KCNQ5: variants seen among roughly 807,000 people sequenced by gnomAD.
KCNQ5 encodes potassium voltage-gated channel subfamily KQT member 5.
In KCNQ5, 30 loss-of-function variants were observed where a neutral mutation model predicts 98.2. That is an observed-to-expected ratio of 0.31 (90% CI 0.23 to 0.41). The LOEUF (loss-of-function observed/expected upper bound fraction) is 0.41. KCNQ5 is among the 10% of genes least tolerant of loss of function. The pLI is 1.00. For synonymous variants in KCNQ5, 458 were observed against 449.4 expected (o/e 1.02, Z -0.24); for missense variants, 835 against 1,182.5 (o/e 0.71, Z 4.31).
chr6:72,968,646 G>A (rs1169572661), intron 1 of KCNQ5, among the ~76,000 whole-genome samples: 1 of 152,042 alleles, frequency 6.6e-6, no homozygotes, highest in Admixed American at 6.6e-5. Context: ...TTATGAAGTG[G>A]CTTATTCTTA....
chr6:72,811,274 G>A (rs1694631922), intron 1 of KCNQ5, among the ~76,000 whole-genome samples: 1 of 152,172 alleles, frequency 6.6e-6, no homozygotes, highest in African/African-American at 2.4e-5. Context: ...AAGAAAAATA[G>A]TGGAGAGAGA....
At chr6:73,118,705 G>A (rs1363405017) in intron 7 of KCNQ5, among the ~76,000 whole-genome samples, 5 of 152,140 alleles carry the variant, frequency 3.3e-5, no homozygotes, top group Non-Finnish European at 7.3e-5. Flanking sequence ...GATGTGTTAT[G>A]TACTAGGGAT....
chr6:72,742,607 C>T (rs1771188511), intron 1 of KCNQ5, among the ~76,000 whole-genome samples: 1 of 152,162 alleles, frequency 6.6e-6, no homozygotes, highest in Non-Finnish European at 1.5e-5. Flanking sequence ...GCATTTGTTA[C>T]TAATATCTAT....
intron 1 of KCNQ5, among the ~76,000 whole-genome samples, chr6:72,952,236 T>C (rs985532026): frequency 2.6e-5 from 4 of 152,234 alleles, no homozygotes; most frequent in Admixed American, 1.3e-4. Flanking sequence ...CACTTGTGCA[T>C]GTACACAGAC....
chr6:72,878,868 T>A (rs1031681171), intron 1 of KCNQ5, among the ~76,000 whole-genome samples: 2 of 152,232 alleles, frequency 1.3e-5, no homozygotes, highest in Non-Finnish European at 2.9e-5. Flanking sequence ...TTAAATTATG[T>A]GATTAAATTA....
At chr6:72,769,940 G>A (rs1404439983) in intron 1 of KCNQ5, among the ~76,000 whole-genome samples, 1 of 152,086 alleles carries the variant, frequency 6.6e-6, no homozygotes, top group East Asian at 1.9e-4. Context: ...GTATTGACAG[G>A]TGTTTTACCT....
At chr6:73,188,764 C>T (rs1395519651) in intron 11 of KCNQ5, among the ~76,000 whole-genome samples, 1 of 152,100 alleles carries the variant, frequency 6.6e-6, no homozygotes, top group Non-Finnish European at 1.5e-5. Context: ...GTGGGCAGAT[C>T]ACAAGGTCAG....
chr6:72,724,974 CA>C (rs2154475510), intron 1 of KCNQ5, among the ~76,000 whole-genome samples: 1 of 152,268 alleles, frequency 6.6e-6, no homozygotes, highest in East Asian at 1.9e-4. Context: ...ATAAACAATT[CA>C]ACATAATTCT....
intron 1 of KCNQ5, among the ~76,000 whole-genome samples, chr6:72,652,219 T>G (rs889483999): frequency 1.2e-4 from 18 of 146,276 alleles, no homozygotes; most frequent in Non-Finnish European, 2.1e-4. Context: ...TAGGCAACTT[T>G]AAAAGTGCTT....
At chr6:73,144,392 T>G (rs1252994174) in intron 10 of KCNQ5, among the ~76,000 whole-genome samples, 1 of 152,180 alleles carries the variant, frequency 6.6e-6, no homozygotes, top group African/African-American at 2.4e-5. Context: ...AAAATTAATC[T>G]CTCTACCTCC....
intron 1 of KCNQ5, among the ~76,000 whole-genome samples, chr6:72,707,673 A>G (rs1473585993): frequency 9.2e-5 from 14 of 152,156 alleles, no homozygotes; most frequent in African/African-American, 3.4e-4. Flanking sequence ...ACTAGATCCC[A>G]CTTATAAATT....
chr6:73,187,799 G>A (rs778896211), intron 11 of KCNQ5, among the ~76,000 whole-genome samples: 2 of 152,180 alleles, frequency 1.3e-5, no homozygotes, highest in African/African-American at 2.4e-5. Context: ...CTATGACTGC[G>A]TGAGTGCTAG....
Position 72,622,679 on chromosome 6 carries a change from C to A in KCNQ5, c.398+92C>A. 2.1e-6 allele frequency: 3 copies of A among 1,426,720 alleles called. No individual in the cohort carries two copies. The highest frequency in any genetic ancestry group is 2.9e-6 in the Non-Finnish European group (3 of 1,042,618). The allele number at this position is 1,426,720 out of a possible 1,614,324, so 88.4% of individuals were successfully genotyped here. A position where few individuals can be genotyped will look rare whatever the true frequency, so the allele number is the denominator to read the frequency against. ...CTCCGCGCTCGCGCCCTTGGGCCCC[C>A]GCGCGCGTGCACACGTGGTGGCTTT... On this transcript the variant is annotated intron_variant, in intron 1 of 13. Transcript: ENST00000370398. This position sits in a 1 kb window ranked among gnomAD's most constrained non-coding sequence, Gnocchi z 6.0.
At chr6:72,724,898 G>A (rs1257376809) in intron 1 of KCNQ5, among the ~76,000 whole-genome samples, 1 of 152,100 alleles carries the variant, frequency 6.6e-6, no homozygotes, top group African/African-American at 2.4e-5. Context: ...CTTACCATAG[G>A]CTTCAGTGCA....
In KCNQ5 at chr6:72,667,313, A is replaced by C. The variant is rs116735684; in HGVS notation, c.398+44726A>C. ...CTCTGCTCTAGAGTTAGGCACCATT[A>C]AGCCTCCTATTGTACTTGTGTTGAT... On this transcript the variant is annotated intron_variant, in intron 1 of 13. Transcript: ENST00000370398. 8.2e-3 allele frequency among the ~76,000 whole-genome samples: 1,253 copies of C among 152,268 alleles called. 16 individuals carry two copies. The highest frequency in any genetic ancestry group is 0.026 in the African/African-American group (1,101 of 41,552).
chr6:72,652,308 G>T (rs1445132396), intron 1 of KCNQ5, among the ~76,000 whole-genome samples: 1 of 151,138 alleles, frequency 6.6e-6, no homozygotes, highest in African/African-American at 2.4e-5. Context: ...AGATGTTTCA[G>T]AAGATGAAGA....
At chr6:73,108,452 A>T (rs1218921415) in intron 6 of KCNQ5, among the ~76,000 whole-genome samples, 1 of 152,254 alleles carries the variant, frequency 6.6e-6, no homozygotes, top group Non-Finnish European at 1.5e-5. Context: ...TTCCATTAAA[A>T]ATATTGGCCA....
At chr6:73,175,893 AAAG>A (rs1280684052) in intron 11 of KCNQ5, among the ~76,000 whole-genome samples, 1 of 152,342 alleles carries the variant, frequency 6.6e-6, no homozygotes, top group African/African-American at 2.4e-5. Flanking sequence ...AAAAGAAAGA[AAAG>A]AAGAAATCTG....
At chr6:72,669,617 C>T (rs868168835) in intron 1 of KCNQ5, among the ~76,000 whole-genome samples, 3 of 152,272 alleles carry the variant, frequency 2.0e-5, no homozygotes, top group Middle Eastern at 3.4e-3. Flanking sequence ...GAATTGCTTT[C>T]AGAGTCATTC....
Sources: gnomAD v4.1 joint callset for allele counts (sites outside exome capture counted in the v4.1 genomes callset) on GRCh38, gnomAD v4.1.1 for gene constraint, Gnocchi (gnomAD v3.1) non-coding constraint, MANE v1.5 for transcripts, NCBI Gene and HGNC (gene_info 2026-07-23, HGNC 2026-07-21) for gene names.